BARD1: variants seen among roughly 807,000 people sequenced by gnomAD.
BARD1 encodes BRCA1-associated RING domain protein 1.
In BARD1, 73 loss-of-function variants were observed where a neutral mutation model predicts 77.0. The ratio of observed to expected loss-of-function variants is 0.95; its 90% CI spans 0.79 to 1.15. The LOEUF (loss-of-function observed/expected upper bound fraction) is 1.15. BARD1 is among the 50% of genes most tolerant of loss of function. The pLI, the probability that BARD1 is intolerant of heterozygous loss-of-function variation, is 0.00. For synonymous variants in BARD1, 384 were observed against 338.0 expected (o/e 1.14, Z -1.49); for missense variants, 993 against 938.8 (o/e 1.06, Z -0.75).
At chr2:214,745,209 T>A in intron 8 of BARD1, 50 bp from the exon 9 acceptor site, 3 of 1,495,212 alleles carry the variant, frequency 2.0e-6, no homozygotes, top group South Asian at 2.3e-5. Flanking sequence ...AGCCAAAGTA[T>A]TTCTTTGGCC....
At chr2:214,732,387 A>AT (rs996960343) in intron 9 of BARD1, among the ~76,000 whole-genome samples, 9 of 148,238 alleles carry the variant, frequency 6.1e-5, no homozygotes, top group Middle Eastern at 3.3e-3. Context: ...ACCTATGATG[A>AT]TTTTTTTTTC....
At chr2:214,773,856 C>T (rs971338090) in intron 4 of BARD1, among the ~76,000 whole-genome samples, 2 of 152,128 alleles carry the variant, frequency 1.3e-5, no homozygotes, top group Admixed American at 6.6e-5. Flanking sequence ...TAGCATGTGA[C>T]GCTGTTTGGT....
At chr2:214,803,301 C>T (rs1032198310) in intron 1 of BARD1, among the ~76,000 whole-genome samples, 2 of 152,084 alleles carry the variant, frequency 1.3e-5, no homozygotes, top group South Asian at 2.1e-4. Context: ...GCCCGACACC[C>T]GTAAAGGGTC....
Position 214,780,737 on chromosome 2 carries a change from T to G in BARD1, c.1137A>C (p.Lys379Asn), listed in dbSNP as rs1060501306. The change falls in exon 4 of 11, where the codon AAA (lysine) becomes AAC (asparagine). Residue 379 changes from lysine to asparagine, a missense_variant. Lys to Asn is a moderately conservative substitution (Grantham distance 94). Coordinates refer to ENST00000260947, the MANE Select transcript of BARD1 (RefSeq NM_000465.4). ...TGAATTCATCGGACATGTTACTGTT[T>G]TTCCTCCCTGATGTACCACCAACTT... ...KRKVGGTSGRKNSNMSDEFIS... is the reference protein window; with the variant it reads ...KRKVGGTSGRNNSNMSDEFIS... The G allele has an allele frequency of 6.2e-7, 1 of 1,614,082 alleles. No individual in the cohort carries two copies. Among genetic ancestry groups the G allele is most frequent in the Non-Finnish European group, 8.5e-7 (1 of 1,179,984 alleles).
intron 3 of BARD1, among the ~76,000 whole-genome samples, chr2:214,784,865 G>A (rs920461159): frequency 9.2e-5 from 14 of 152,046 alleles, no homozygotes; most frequent in Admixed American, 4.6e-4. Context: ...ATCACACACC[G>A]GGGCCTGTCC....
At position 214,726,667 on chromosome 2, in the gene BARD1, AAAG is replaced by A. The variant is rs1692096705; in HGVS notation, c.*2006_*2008del. The A allele has an allele frequency of 8.7e-6, 2 of 229,962 alleles. No homozygotes were observed. The highest frequency in any genetic ancestry group is 3.6e-4 in the South Asian group (2 of 5,510). The allele number at this position is 229,962 out of a possible 1,614,324, so 14.2% of individuals were successfully genotyped here. On this transcript the variant is annotated 3_prime_UTR_variant, in exon 11 of 11. Transcript: ENST00000260947. The stretch of plus-strand genomic sequence containing the variant: ...AATAACTTTAATGATTTGTGGTAAA[AAAG>A]AAGGAAGCTTGAATCTATGATTGAA...
rs878854010 is a variant in BARD1, at chr2:214,792,364, T to C, written c.297A>G (p.Arg99=). The C allele has an allele frequency of 6.2e-7, 1 of 1,613,422 alleles. No homozygotes were observed. The highest frequency in any genetic ancestry group is 8.5e-7 in the Non-Finnish European group (1 of 1,179,752). Reference sequence around the variant, plus strand: ...AAAGTTGAATCATGCTGTCCAGTTGTCTATTTATCTTCAAGTCTTGTATCC... The same window carrying C: ...AAAGTTGAATCATGCTGTCCAGTTGCCTATTTATCTTCAAGTCTTGTATCC... ...PAWIQDLKIN[R]QLDSMIQLCS... The change falls in exon 3 of 11, where the codon AGA becomes AGG. Residue 99 remains arginine (R), a synonymous_variant. Transcript: ENST00000260947.
chr2:214,741,007 A>G (rs1352180009), intron 9 of BARD1, among the ~76,000 whole-genome samples: 1 of 152,106 alleles, frequency 6.6e-6, no homozygotes, highest in Non-Finnish European at 1.5e-5. Flanking sequence ...AACTTGTTAG[A>G]ATTTGTTTGA....
intron 3 of BARD1, among the ~76,000 whole-genome samples, chr2:214,790,061 A>G (rs547160373): frequency 6.6e-6 from 1 of 152,252 alleles, no homozygotes; most frequent in South Asian, 2.1e-4. Flanking sequence ...ATATGAAGAA[A>G]GCATTTCATA....
chr2:214,758,600 C>T (rs1693809525), intron 6 of BARD1, among the ~76,000 whole-genome samples: 1 of 152,106 alleles, frequency 6.6e-6, no homozygotes, highest in Non-Finnish European at 1.5e-5. Context: ...TTTCATTTTC[C>T]CATGTGGCAC....
chr2:214,737,518 C>G (rs1692619598), intron 9 of BARD1, among the ~76,000 whole-genome samples: 1 of 152,076 alleles, frequency 6.6e-6, no homozygotes, highest in Non-Finnish European at 1.5e-5. Flanking sequence ...TTATCTGAAA[C>G]TGTGAGTTTC....
In BARD1 at chr2:214,745,632, A is replaced by T. The variant is rs1468323727; in HGVS notation, c.1810+90T>A. On this transcript the variant is annotated intron_variant, in intron 8 of 10. Transcript: ENST00000260947. ...TATACAGCCATCTCCCAATGGTTAAAACATATGTAAATTATCAAAGGTAGT... is the reference window on the plus strand; with the variant it reads ...TATACAGCCATCTCCCAATGGTTAATACATATGTAAATTATCAAAGGTAGT... The T allele has an allele frequency of 5.3e-6, 8 of 1,516,424 alleles. No individual in the cohort carries two copies. The African/African-American group carries it at 9.6e-5, about 18-fold the overall frequency. 93.9% of individuals were successfully genotyped at this position (1,516,424 alleles called of 1,614,324 possible). A position where few individuals can be genotyped will look rare whatever the true frequency, so the allele number is the denominator to read the frequency against.
intron 4 of BARD1, among the ~76,000 whole-genome samples, chr2:214,771,660 G>A (rs1448475619): frequency 6.6e-6 from 1 of 151,674 alleles, no homozygotes. Flanking sequence ...CCCAGGAGGC[G>A]GAGGTTGCAG....
chr2:214,787,201 T>C (rs1695312199), intron 3 of BARD1, among the ~76,000 whole-genome samples: 1 of 151,844 alleles, frequency 6.6e-6, no homozygotes, highest in South Asian at 2.1e-4. Flanking sequence ...AAGGCTTATA[T>C]ATAGCAGCAA....
intron 7 of BARD1, among the ~76,000 whole-genome samples, chr2:214,750,358 C>T (rs1015433081): frequency 6.6e-6 from 1 of 152,182 alleles, no homozygotes; most frequent in African/African-American, 2.4e-5. Context: ...AAACTCGTAT[C>T]AGGGAATTTA....
intron 4 of BARD1, among the ~76,000 whole-genome samples, chr2:214,770,975 G>A (rs951425529): frequency 1.3e-5 from 2 of 152,046 alleles, no homozygotes; most frequent in Non-Finnish European, 2.9e-5. Flanking sequence ...TTAAGTATCC[G>A]TTAACTCTTA....
At chr2:214,777,256 G>C (rs1694775185) in intron 4 of BARD1, among the ~76,000 whole-genome samples, 1 of 152,086 alleles carries the variant, frequency 6.6e-6, no homozygotes, top group South Asian at 2.1e-4. Flanking sequence ...AGAAGTAGCT[G>C]CCAGTAGGGT....
At chr2:214,729,518 G>C (rs1692255998) in intron 10 of BARD1, among the ~76,000 whole-genome samples, 1 of 152,088 alleles carries the variant, frequency 6.6e-6, no homozygotes, top group African/African-American at 2.4e-5. Context: ...ACTGGATCAA[G>C]AAAAATACTT....
chr2:214,766,183 T>C (rs1316739927), intron 6 of BARD1, among the ~76,000 whole-genome samples: 1 of 152,178 alleles, frequency 6.6e-6, no homozygotes, highest in Non-Finnish European at 1.5e-5. Context: ...TGTGACACTC[T>C]TGACAATGCC....
Sources: allele counts gnomAD v4.1 joint callset (sites outside exome capture counted in the v4.1 genomes callset), GRCh38; gene constraint gnomAD v4.1.1; transcripts MANE v1.5; gene names NCBI Gene and HGNC (gene_info 2026-07-23, HGNC 2026-07-21).